Variants in LEPR observed in about 807,000 individuals in gnomAD.
The protein encoded by LEPR is OB receptor.
A neutral mutation model predicts 114.7 loss-of-function variants in LEPR; 56 were observed. The observed-to-expected ratio is 0.49, with a 90% CI of 0.39 to 0.61. LEPR has a LOEUF of 0.61. Among genes scored for constraint, LEPR ranks in the 20% least tolerant of loss-of-function variants. The pLI is 0.00. For synonymous variants in LEPR, 443 were observed against 461.4 expected, an observed-to-expected ratio of 0.96 and a Z score of 0.51; for missense variants, 1,202 against 1,352.9, an observed-to-expected ratio of 0.89 and a Z score of 1.75.
At chr1:65,493,169 T>A (rs1041124096) in intron 2 of LEPR, among the ~76,000 whole-genome samples, 2 of 152,102 alleles carry the variant, frequency 1.3e-5, no homozygotes, top group African/African-American at 4.8e-5. Context: ...AGATTGTTGC[T>A]GGCCATTGCT....
chr1:65,490,921 G>A (rs1647834653), intron 2 of LEPR, among the ~76,000 whole-genome samples: 1 of 152,082 alleles, frequency 6.6e-6, no homozygotes, highest in African/African-American at 2.4e-5. Flanking sequence ...GATTTCAGAA[G>A]TGTAAACAAC....
chr1:65,425,182 A>G, intron 1 of LEPR, 121 bp from the exon 2 acceptor site: 1 of 755,078 alleles, frequency 1.3e-6, no homozygotes, highest in Non-Finnish European at 2.2e-6. Context: ...ATTCCAGAAA[A>G]TTTACTCATC....
At chr1:65,472,889 C>A (rs1401404141) in intron 2 of LEPR, among the ~76,000 whole-genome samples, 1 of 152,180 alleles carries the variant, frequency 6.6e-6, no homozygotes, top group Non-Finnish European at 1.5e-5. Flanking sequence ...TACAGAATCT[C>A]ATCTTTAAAA....
At chr1:65,607,019 A>G (rs887444052) in intron 11 of LEPR, among the ~76,000 whole-genome samples, 2 of 152,164 alleles carry the variant, frequency 1.3e-5, no homozygotes, top group African/African-American at 2.4e-5. Context: ...AAACACCCAT[A>G]TTGTGCCAAT....
intron 1 of LEPR, among the ~76,000 whole-genome samples, chr1:65,425,093 T>C (rs1422304289): frequency 1.3e-5 from 2 of 152,228 alleles, no homozygotes; most frequent in African/African-American, 4.8e-5. Flanking sequence ...TCACATACCA[T>C]AAAATTAACA....
At chr1:65,551,158 G>A (rs959187597) in intron 2 of LEPR, among the ~76,000 whole-genome samples, 1 of 152,100 alleles carries the variant, frequency 6.6e-6, no homozygotes, top group Admixed American at 6.6e-5. Flanking sequence ...GTTCATCAGG[G>A]ATATTGGCCT....
intron 2 of LEPR, among the ~76,000 whole-genome samples, chr1:65,552,499 C>G (rs1652467315): frequency 6.6e-6 from 1 of 152,090 alleles, no homozygotes; most frequent in Non-Finnish European, 1.5e-5. Context: ...GGTTTAAAGT[C>G]TGTTTTATCG....
At chr1:65,456,147 A>T (rs572602578) in intron 2 of LEPR, among the ~76,000 whole-genome samples, 14 of 152,172 alleles carry the variant, frequency 9.2e-5, no homozygotes, top group African/African-American at 3.4e-4. Flanking sequence ...CGGCTCGTGC[A>T]CGGTGCGCGC....
At chr1:65,610,173 G>A (rs777171307) in intron 13 of LEPR, 41 bp from the exon 14 acceptor site, 30 of 1,614,048 alleles carry the variant, frequency 1.9e-5, no homozygotes, top group Non-Finnish European at 2.5e-5. Context: ...TGGCTGAAAA[G>A]TATTTCTTCA....
chr1:65,420,744 C>T lies in LEPR; in HGVS notation c.-97+4C>T. The T allele has an allele frequency of 1.3e-6, 2 of 1,581,234 alleles. No individual in the cohort carries two copies. The highest frequency in any genetic ancestry group is 1.9e-5 in the Admixed American group (1 of 52,966). ...GGAGACATGGCGGGCGTTAAAGGTA[C>T]ATCGCGGTCCCCGGCTCGCTTGTCG... On this transcript the variant is annotated splice_donor_region_variant and intron_variant, in intron 1 of 19. Transcript: ENST00000349533.
intron 2 of LEPR, among the ~76,000 whole-genome samples, chr1:65,553,023 T>A (rs1475031516): frequency 6.6e-6 from 1 of 152,188 alleles, no homozygotes; most frequent in Non-Finnish European, 1.5e-5. Flanking sequence ...TTCTTTTCTT[T>A]AAGAATGTTG....
intron 2 of LEPR, 77 bp downstream of exon 2, chr1:65,425,455 G>A (rs183714078): frequency 7.9e-5 from 102 of 1,287,470 alleles, no homozygotes; most frequent in Non-Finnish European, 1.0e-4. Context: ...AGAGAGTTCG[G>A]TCAATTTAGC....
At position 65,636,894 on chromosome 1, in the gene LEPR, A is replaced by G. The variant is rs1658737070; in HGVS notation, c.3377A>G (p.Asn1126Ser). 3.7e-6 allele frequency: 6 copies of G among 1,605,902 alleles called. No homozygotes were observed. In the East Asian group the frequency reaches 1.3e-4, roughly 36 times the overall value. The change falls in exon 20 of 20, where the codon AAT (asparagine) becomes AGT (serine). Residue 1126 changes from asparagine (N) to serine (S), a missense_variant. By Grantham distance (46) the Asn-to-Ser change is conservative. Transcript: ENST00000349533. ...GACAGTTGCTCACACTTTGTAGAAA[A>G]TAATATCAACTTAGGAACTTCTAGT... Reference protein sequence around the residue: ...LQDSCSHFVENNINLGTSSKK... With the variant: ...LQDSCSHFVESNINLGTSSKK...
At chr1:65,503,790 G>A (rs1044249755) in intron 2 of LEPR, among the ~76,000 whole-genome samples, 2 of 118,468 alleles carry the variant, frequency 1.7e-5, no homozygotes, top group East Asian at 4.0e-4. Flanking sequence ...ATATACTGAA[G>A]TTAGCTACAC....
At chr1:65,458,286 A>G (rs1193951029) in intron 2 of LEPR, among the ~76,000 whole-genome samples, 1 of 152,026 alleles carries the variant, frequency 6.6e-6, no homozygotes, top group African/African-American at 2.4e-5. Flanking sequence ...TATTCCTCCC[A>G]TCTTCATTTA....
chr1:65,492,445 G>A (rs1647923055), intron 2 of LEPR, among the ~76,000 whole-genome samples: 1 of 152,024 alleles, frequency 6.6e-6, no homozygotes, highest in Non-Finnish European at 1.5e-5. Flanking sequence ...ATTAGTAGGT[G>A]GGAATAACAG....
In LEPR at chr1:65,634,652, C is replaced by G. The variant is rs1039999733; in HGVS notation, c.2674-1539C>G. 18 of 977,538 alleles carry G rather than the reference C, an allele frequency of 1.8e-5. No homozygotes were observed. In the Admixed American group the frequency reaches 9.9e-4, roughly 54 times the overall value. The allele number at this position is 977,538 out of a possible 1,614,324, so 60.6% of individuals were successfully genotyped here. A position where few individuals can be genotyped will look rare whatever the true frequency, so the allele number is the denominator to read the frequency against. On this transcript the variant is annotated intron_variant, in intron 19 of 19. Transcript: ENST00000349533. ...TATGACATTTTAGCATGAAATATAT[C>G]AAACACATCATTTGAAGGACATATG...
chr1:65,628,186 C>A (rs1203795740), intron 19 of LEPR, among the ~76,000 whole-genome samples: 2 of 152,044 alleles, frequency 1.3e-5, no homozygotes, highest in African/African-American at 4.8e-5. Context: ...ATAATTTTGC[C>A]AATATAATTT....
chr1:65,542,768 T>G (rs1012558314), intron 2 of LEPR, among the ~76,000 whole-genome samples: 2 of 151,934 alleles, frequency 1.3e-5, no homozygotes, highest in African/African-American at 4.9e-5. Flanking sequence ...CCAGCTTCAT[T>G]CATGTCCCTG....
Sources: allele counts gnomAD v4.1 joint callset (sites outside exome capture counted in the v4.1 genomes callset), GRCh38; gene constraint gnomAD v4.1.1; transcripts MANE v1.5; gene names NCBI Gene and HGNC (gene_info 2026-07-23, HGNC 2026-07-21).